CEP112: variants seen among roughly 807,000 people sequenced by gnomAD.
CEP112 encodes the protein centrosomal protein of 112 kDa.
In CEP112, 127 loss-of-function variants were observed where a neutral mutation model predicts 153.0. That is an observed-to-expected ratio of 0.83 (90% CI 0.72 to 0.96). The LOEUF is 0.96. Ranked by LOEUF, CEP112 falls within the 40% of genes least tolerant of loss-of-function variation. The probability of loss-of-function intolerance (pLI) is 0.00; values close to 1 mark genes in which losing one functional copy is unlikely to be tolerated. For missense variants in CEP112, 1,089 were observed against 1,101.2 expected (o/e 0.99, Z 0.16); for synonymous variants, 358 against 374.4 (o/e 0.96, Z 0.51).
chr17:66,154,336 G>A (rs937312126), intron 4 of CEP112, among the ~76,000 whole-genome samples: 1 of 151,738 alleles, frequency 6.6e-6, no homozygotes, highest in African/African-American at 2.4e-5. Context: ...TTAACATGGT[G>A]AAACCCCGTC....
chr17:65,905,170 T>C (rs1435637606), intron 19 of CEP112, among the ~76,000 whole-genome samples: 1 of 151,998 alleles, frequency 6.6e-6, no homozygotes, highest in Non-Finnish European at 1.5e-5. Context: ...ACAGACAACA[T>C]ACAGAATGGG....
At chr17:66,161,283 C>T (rs958666548) in intron 4 of CEP112, among the ~76,000 whole-genome samples, 2 of 152,136 alleles carry the variant, frequency 1.3e-5, no homozygotes, top group African/African-American at 2.4e-5. Flanking sequence ...GGAAATTCCT[C>T]AAGGATCTAG....
intron 21 of CEP112, among the ~76,000 whole-genome samples, chr17:65,779,766 C>A (rs2053895963): frequency 6.6e-6 from 1 of 152,088 alleles, no homozygotes; most frequent in African/African-American, 2.4e-5. Flanking sequence ...ATAAGAATCC[C>A]ATAGGAAAGC....
intron 18 of CEP112, among the ~76,000 whole-genome samples, chr17:65,943,622 C>A (rs61710735): frequency 0.065 from 9,824 of 152,150 alleles, 459 homozygotes; most frequent in African/African-American, 0.12. Context: ...CCTGGCCTTT[C>A]TCTCAGGCTG....
intron 18 of CEP112, among the ~76,000 whole-genome samples, chr17:65,947,751 A>C (rs111438929): frequency 2.0e-5 from 3 of 152,126 alleles, no homozygotes; most frequent in Non-Finnish European, 4.4e-5. Flanking sequence ...TAAACGTTTA[A>C]AGGTATTCTA....
chr17:65,715,430 C>T (rs2049449558), intron 23 of CEP112, among the ~76,000 whole-genome samples: 1 of 151,908 alleles, frequency 6.6e-6, no homozygotes, highest in African/African-American at 2.4e-5. Context: ...GAAGAGGCAG[C>T]AAATGTATTA....
chr17:65,947,619 T>C (rs1048255107), intron 18 of CEP112, among the ~76,000 whole-genome samples: 2 of 152,168 alleles, frequency 1.3e-5, no homozygotes, highest in African/African-American at 2.4e-5. Context: ...AATTAAGCAC[T>C]TAAAGATACA....
intron 23 of CEP112, among the ~76,000 whole-genome samples, chr17:65,699,082 C>T (rs541686018): frequency 1.2e-4 from 19 of 152,324 alleles, no homozygotes; most frequent in South Asian, 1.2e-3. Flanking sequence ...TAAACTATTT[C>T]GCATTGTTAT....
chr17:65,999,944 T>C (rs11871536), intron 17 of CEP112, among the ~76,000 whole-genome samples: 62,501 of 152,046 alleles, frequency 0.41, 14,314 homozygotes, highest in East Asian at 0.87. Flanking sequence ...TGTATATATA[T>C]CACATTTTCT....
chr17:65,654,927 C>T (rs187629732), intron 24 of CEP112: 9 of 602,594 alleles, frequency 1.5e-5, no homozygotes, highest in East Asian at 1.3e-4. Flanking sequence ...ACTCGGACAG[C>T]GATCCATCCT....
At chr17:65,987,622 C>A (rs764532410) in intron 17 of CEP112, among the ~76,000 whole-genome samples, 1 of 152,090 alleles carries the variant, frequency 6.6e-6, no homozygotes, top group African/African-American at 2.4e-5. Flanking sequence ...CTTCACTCTC[C>A]CACACAGAAA....
At chr17:65,998,830 T>A (rs927167934) in intron 17 of CEP112, among the ~76,000 whole-genome samples, 1 of 152,208 alleles carries the variant, frequency 6.6e-6, no homozygotes, top group Admixed American at 6.5e-5. Context: ...TTAAGCATCA[T>A]GCCTAAGGTC....
intron 23 of CEP112, among the ~76,000 whole-genome samples, chr17:65,734,969 T>C (rs2050716055): frequency 1.3e-5 from 2 of 152,152 alleles, no homozygotes. Flanking sequence ...ACATCAGGTG[T>C]TTGTCATTTG....
chr17:66,123,387 G>C (rs2069688782), intron 6 of CEP112, among the ~76,000 whole-genome samples: 2 of 152,172 alleles, frequency 1.3e-5, no homozygotes. Flanking sequence ...CATCTTCTTT[G>C]CCACACCCAC....
intron 18 of CEP112, among the ~76,000 whole-genome samples, chr17:65,947,746 G>T (rs767337022): frequency 6.6e-6 from 1 of 151,986 alleles, no homozygotes; most frequent in Non-Finnish European, 1.5e-5. Context: ...CTATTTAAAC[G>T]TTTAAAGGTA....
chr17:65,953,906 T>C (rs1270156638), intron 18 of CEP112, among the ~76,000 whole-genome samples: 2 of 152,184 alleles, frequency 1.3e-5, no homozygotes, highest in Admixed American at 6.5e-5. Flanking sequence ...CGTAATCTTT[T>C]GTGAGCTCTA....
intron 12 of CEP112, among the ~76,000 whole-genome samples, chr17:66,036,480 G>A (rs919137606): frequency 2.6e-5 from 4 of 152,106 alleles, no homozygotes; most frequent in Admixed American, 6.6e-5. Context: ...GACCACCGAC[G>A]TATTTTGATG....
intron 18 of CEP112, among the ~76,000 whole-genome samples, chr17:65,928,724 C>T (rs2061018354): frequency 6.6e-6 from 1 of 151,938 alleles, no homozygotes; most frequent in African/African-American, 2.4e-5. Context: ...ATTAGCCGAG[C>T]GTGGTGGCAT....
chr17:66,008,670 C>A (rs1182718494), intron 16 of CEP112, among the ~76,000 whole-genome samples: 1 of 152,114 alleles, frequency 6.6e-6, no homozygotes, highest in East Asian at 1.9e-4. Context: ...ACCCTTTAAC[C>A]AGCATCTACC....
Sources: gnomAD v4.1 joint callset for allele counts (sites outside exome capture counted in the v4.1 genomes callset) on GRCh38, gnomAD v4.1.1 for gene constraint, MANE v1.5 for transcripts, NCBI Gene and HGNC (gene_info 2026-07-23, HGNC 2026-07-21) for gene names.